Variants in ABHD12 observed in about 807,000 individuals in gnomAD.
The protein encoded by ABHD12 is abhydrolase domain containing 12, lysophospholipase.
In ABHD12, 43 loss-of-function variants were observed where a neutral mutation model predicts 58.3. The observed-to-expected ratio is 0.74, with a 90% CI of 0.58 to 0.95. The LOEUF (loss-of-function observed/expected upper bound fraction) is 0.95. Ranked by LOEUF, ABHD12 falls within the 40% of genes least tolerant of loss-of-function variation. The probability of loss-of-function intolerance (pLI) is 0.00; values close to 1 mark genes in which losing one functional copy is unlikely to be tolerated. For missense variants in ABHD12, 539 were observed against 537.2 expected, an observed-to-expected ratio of 1.00 and a Z score of -0.03; for synonymous variants, 219 against 211.2, an observed-to-expected ratio of 1.04 and a Z score of -0.32.
intron 1 of ABHD12, among the ~76,000 whole-genome samples, chr20:25,354,812 G>C (rs2089646640): frequency 6.6e-6 from 1 of 152,070 alleles, no homozygotes; most frequent in Admixed American, 6.6e-5. Context: ...GCTTTTGACT[G>C]TCGTATTTTC....
At chr20:25,338,215 C>T (rs1409019509) in intron 2 of ABHD12, among the ~76,000 whole-genome samples, 1 of 152,164 alleles carries the variant, frequency 6.6e-6, no homozygotes, top group East Asian at 1.9e-4. Context: ...CGGCCTCCTC[C>T]TTTCCTCCTC....
intron 1 of ABHD12, among the ~76,000 whole-genome samples, chr20:25,386,468 G>C (rs1396589269): frequency 6.6e-6 from 1 of 151,882 alleles, no homozygotes; most frequent in Non-Finnish European, 1.5e-5. Flanking sequence ...TCACCCGTCA[G>C]CCAGGATGGT....
At chr20:25,372,474 G>A (rs1300967385) in intron 1 of ABHD12, among the ~76,000 whole-genome samples, 1 of 152,100 alleles carries the variant, frequency 6.6e-6, no homozygotes, top group Non-Finnish European at 1.5e-5. Context: ...CAAAGTGTTT[G>A]GATTACAGGC....
At chr20:25,378,493 C>T (rs1301030846) in intron 1 of ABHD12, among the ~76,000 whole-genome samples, 1 of 152,040 alleles carries the variant, frequency 6.6e-6, no homozygotes, top group Non-Finnish European at 1.5e-5. Flanking sequence ...AGGGGTAGGG[C>T]ATATATGATG....
chr20:25,315,497 C>A (rs2088943860), intron 5 of ABHD12, among the ~76,000 whole-genome samples: 1 of 152,092 alleles, frequency 6.6e-6, no homozygotes, highest in African/African-American at 2.4e-5. Context: ...CCTCAAACAC[C>A]CACCCCTGTG....
intron 2 of ABHD12, among the ~76,000 whole-genome samples, chr20:25,331,836 A>T (rs1465312301): frequency 6.6e-6 from 1 of 152,218 alleles, no homozygotes; most frequent in Non-Finnish European, 1.5e-5. Context: ...AACCGGTACC[A>T]GCCACTGCAA....
At chr20:25,299,716 T>G (rs545871807), downstream of ABHD12, among the ~76,000 whole-genome samples, 13 of 152,276 alleles carry the variant, frequency 8.5e-5, no homozygotes, top group African/African-American at 3.1e-4. Flanking sequence ...CCGGCTCAGA[T>G]GGCCATGCAA....
At chr20:25,390,477 G>GCGCCCCCC in intron 1 of ABHD12, 36 bp downstream of exon 1, 1 of 98,526 alleles carries the variant, frequency 1.0e-5, no homozygotes, top group Non-Finnish European at 1.3e-5. Context: ...TGAGGGACCG[G>GCGCCCCCC]CCCCCCCCCC....
At chr20:25,360,440 C>T (rs1213374083) in intron 1 of ABHD12, among the ~76,000 whole-genome samples, 1 of 151,674 alleles carries the variant, frequency 6.6e-6, no homozygotes, top group Non-Finnish European at 1.5e-5. Context: ...AGGGTTTCAC[C>T]ATATTGGCCA....
Position 25,328,447 on chromosome 20 carries a change from G to A in ABHD12, c.317-5017C>T, listed in dbSNP as rs141468367. Reference sequence around the variant, plus strand: ...CACTCAGCCAAATCCTGCCTCTGACGCTGGAACCAGCCCTGACTCTGACAG... The same window carrying A: ...CACTCAGCCAAATCCTGCCTCTGACACTGGAACCAGCCCTGACTCTGACAG... On this transcript the variant is annotated intron_variant, in intron 2 of 12. Coordinates refer to ENST00000339157, the MANE Select transcript of ABHD12 (RefSeq NM_001042472.3). Among the ~76,000 whole-genome samples, 7 of 152,290 alleles carry A rather than the reference G, an allele frequency of 4.6e-5. No individual in the cohort carries two copies. In the East Asian group the frequency reaches 9.7e-4, roughly 21 times the overall value.
chr20:25,320,622 T>C (rs1216890273), intron 3 of ABHD12, among the ~76,000 whole-genome samples: 1 of 152,248 alleles, frequency 6.6e-6, no homozygotes, highest in African/African-American at 2.4e-5. Context: ...CACTGGGGCC[T>C]GGCAGAGAAG....
intron 1 of ABHD12, among the ~76,000 whole-genome samples, chr20:25,370,078 C>T (rs772262177): frequency 3.9e-5 from 6 of 152,232 alleles, no homozygotes; most frequent in Non-Finnish European, 5.9e-5. Flanking sequence ...AAAACCACTG[C>T]GGGAATTCCT....
chr20:25,356,489 G>A (rs2089669782), intron 1 of ABHD12, among the ~76,000 whole-genome samples: 2 of 152,234 alleles, frequency 1.3e-5, no homozygotes, highest in Non-Finnish European at 2.9e-5. Context: ...GGCCTTCAGG[G>A]CCTTGCTGAA....
intron 1 of ABHD12, among the ~76,000 whole-genome samples, chr20:25,354,185 T>G (rs1302458423): frequency 6.6e-6 from 1 of 152,176 alleles, no homozygotes; most frequent in Non-Finnish European, 1.5e-5. Context: ...TCAACTAAGT[T>G]GAATGTAGCA....
chr20:25,298,373 C>T (rs1276835718), downstream of ABHD12, among the ~76,000 whole-genome samples: 1 of 152,138 alleles, frequency 6.6e-6, no homozygotes, highest in Non-Finnish European at 1.5e-5. Context: ...TCAAGCAATT[C>T]TCCTGCCTCA....
intron 2 of ABHD12, among the ~76,000 whole-genome samples, chr20:25,331,144 G>A (rs1032617072): frequency 1.4e-4 from 22 of 152,170 alleles, no homozygotes; most frequent in Non-Finnish European, 3.1e-4. Context: ...TGAAAACCAA[G>A]GCTCGAGAAC....
rs777362757 is a variant in ABHD12, at chr20:25,309,530, T to C, written c.665A>G (p.Tyr222Cys). The C allele has an allele frequency of 2.0e-5, 32 of 1,614,038 alleles. No individual in the cohort carries two copies. Among genetic ancestry groups the C allele is most frequent in the Admixed American group, 3.3e-5 (2 of 60,006 alleles). ...CCAGTCAAAAACGTGGAGTGCGTCA[T>C]AGGTCATGCCCCGCTCAGATGGCGT... ...VGTPSERGMT[Y>C]DALHVFDWIK... Residue 222 changes from tyrosine to cysteine, a missense_variant, in exon 7 of 13, where the codon TAT (tyrosine) becomes TGT (cysteine). Coordinates refer to ENST00000339157, the MANE Select transcript of ABHD12 (RefSeq NM_001042472.3).
chr20:25,355,274 C>T (rs1431328284), intron 1 of ABHD12, among the ~76,000 whole-genome samples: 1 of 152,074 alleles, frequency 6.6e-6, no homozygotes, highest in African/African-American at 2.4e-5. Flanking sequence ...CCTGCTGCTG[C>T]CTATCAAAGA....
At chr20:25,329,332 G>A (rs542765557) in intron 2 of ABHD12, among the ~76,000 whole-genome samples, 1 of 152,314 alleles carries the variant, frequency 6.6e-6, no homozygotes, top group African/African-American at 2.4e-5. Context: ...TTCTGAACCG[G>A]GAGCTCCTCA....
Sources: gnomAD v4.1 joint callset for allele counts (sites outside exome capture counted in the v4.1 genomes callset) on GRCh38, gnomAD v4.1.1 for gene constraint, MANE v1.5 for transcripts, NCBI Gene and HGNC (gene_info 2026-07-23, HGNC 2026-07-21) for gene names.